The following FGF13 variants were observed in gnomAD, a reference collection of about 807,000 sequenced individuals.
The protein encoded by FGF13 is fibroblast growth factor 13.
A neutral mutation model predicts 19.5 loss-of-function variants in FGF13; 2 were observed. The observed-to-expected ratio is 0.10, with a 90% CI of 0.04 to 0.32. FGF13 has a LOEUF of 0.32. FGF13 is among the 10% of genes least tolerant of loss of function. FGF13 has a pLI of 1.00. For missense variants in FGF13, 113 were observed against 192.7 expected (o/e 0.59, Z 2.45); for synonymous variants, 72 against 76.9 (o/e 0.94, Z 0.33).
chrX:138,763,985 T>A (rs2090486899), intron 3 of FGF13, among the ~76,000 whole-genome samples: 1 of 110,985 alleles, frequency 9.0e-6, no homozygotes, highest in Non-Finnish European at 1.9e-5. Context: ...GCCTGAGGCG[T>A]AGTAGAAAGG....
chrX:138,781,579 A>C (rs1462189835), intron 3 of FGF13, among the ~76,000 whole-genome samples: 1 of 111,347 alleles, frequency 9.0e-6, no homozygotes, highest in African/African-American at 3.3e-5. Context: ...GAAATGGATA[A>C]ATTCCTTGAC....
chrX:138,979,559 A>C (rs1198830013), intron 1 of FGF13, among the ~76,000 whole-genome samples: 1 of 109,953 alleles, frequency 9.1e-6, no homozygotes, highest in Non-Finnish European at 1.9e-5. Flanking sequence ...AATTTCCACA[A>C]TGACCTTTTT....
chrX:138,800,092 A>G (rs2090816223), intron 3 of FGF13, among the ~76,000 whole-genome samples: 1 of 111,916 alleles, frequency 8.9e-6, no homozygotes, highest in Admixed American at 9.5e-5. Flanking sequence ...TAATATTGTT[A>G]TGTGTGAATT....
chrX:138,625,388 A>G lies in FGF13; in HGVS notation c.*7462T>C, dbSNP rs1268733321. 1.9e-5 allele frequency: 2 copies of G among 104,911 alleles called. No homozygotes were observed. 8.6% of individuals were successfully genotyped at this position (104,911 alleles called of 1,213,427 possible). On this transcript the variant is annotated 3_prime_UTR_variant, in exon 5 of 5. Transcript: ENST00000315930. ...CTGCACTCCCATTCATTCCCATTGC[A>G]CCATTATTCACAATAGATAAGTTAT...
chrX:139,110,810 G>C (rs2083595735), intron 1 of FGF13, among the ~76,000 whole-genome samples: 1 of 111,765 alleles, frequency 8.9e-6, no homozygotes, highest in Non-Finnish European at 1.9e-5. Context: ...GAGGTGTTGA[G>C]AGACAATTGC....
intron 3 of FGF13, among the ~76,000 whole-genome samples, chrX:138,674,626 G>T (rs2124177768): frequency 9.0e-6 from 1 of 110,982 alleles, no homozygotes; most frequent in South Asian, 3.9e-4. Context: ...CTATCTCTCT[G>T]TGGGGTCAAG....
At chrX:139,046,944 A>T (rs2092289495) in intron 1 of FGF13, among the ~76,000 whole-genome samples, 1 of 111,809 alleles carries the variant, frequency 8.9e-6, no homozygotes, top group Non-Finnish European at 1.9e-5. Flanking sequence ...TGCTTTGATA[A>T]TACAAGAATT....
intron 1 of FGF13, among the ~76,000 whole-genome samples, chrX:139,125,648 C>A (rs1342670121): frequency 8.9e-6 from 1 of 111,736 alleles, no homozygotes; most frequent in African/African-American, 3.3e-5. Flanking sequence ...TAACTGAATG[C>A]TAGGTAAATC....
chrX:138,707,891 G>A (rs1344076159), intron 2 of FGF13, among the ~76,000 whole-genome samples: 3 of 112,420 alleles, frequency 2.7e-5, no homozygotes, highest in African/African-American at 6.5e-5. Context: ...AAGCTGCAGA[G>A]TATACTGCTT....
chrX:138,859,581 A>C (rs181287099), intron 2 of FGF13, among the ~76,000 whole-genome samples: 1 of 112,469 alleles, frequency 8.9e-6, no homozygotes, highest in South Asian at 3.7e-4. Flanking sequence ...ATTTCTGGAG[A>C]TTAATAGTGG....
chrX:139,036,124 T>C (rs1295411147), intron 1 of FGF13, among the ~76,000 whole-genome samples: 2 of 112,100 alleles, frequency 1.8e-5, no homozygotes, highest in African/African-American at 6.5e-5. Context: ...GCGAATTCTA[T>C]TGATTTTGAC....
chrX:139,032,250 G>A (rs1324002196), intron 1 of FGF13, among the ~76,000 whole-genome samples: 3 of 111,835 alleles, frequency 2.7e-5, no homozygotes, highest in South Asian at 3.7e-4. Flanking sequence ...AGATTAAAGC[G>A]GAACTTCTTT....
At position 139,052,773 on chromosome X, in the gene FGF13, C is replaced by T. The variant is rs760027462; in HGVS notation, c.-113+150643G>A. Among the ~76,000 whole-genome samples the T allele has an allele frequency of 8.1e-5, 9 of 111,788 alleles. No individual in the cohort carries two copies. The South Asian group carries it at 3.4e-3, about 43-fold the overall frequency. ...TTTGACCGCTTCCACCTCTTAGTAGCCATTGCTTTTTGTTTGTTTTTGAAA... is the reference window on the plus strand; with the variant it reads ...TTTGACCGCTTCCACCTCTTAGTAGTCATTGCTTTTTGTTTGTTTTTGAAA... On this transcript the variant is annotated intron_variant, in intron 1 of 2. Coordinates refer to the FGF13 transcript ENST00000421460.
chrX:139,127,767 T>C (rs911915514), intron 1 of FGF13, among the ~76,000 whole-genome samples: 7 of 111,428 alleles, frequency 6.3e-5, no homozygotes, highest in Non-Finnish European at 1.1e-4. Context: ...TGTTGGTAAC[T>C]TTGACATATG....
At chrX:138,740,363 T>C (rs2090310918), upstream of FGF13, among the ~76,000 whole-genome samples, 1 of 112,093 alleles carries the variant, frequency 8.9e-6, no homozygotes, top group Admixed American at 9.5e-5. Flanking sequence ...CAGTGCTATA[T>C]GGAAAGGAAG....
intron 1 of FGF13, among the ~76,000 whole-genome samples, chrX:138,932,933 G>A (rs889568651): frequency 9.9e-5 from 11 of 111,053 alleles, no homozygotes; most frequent in African/African-American, 3.6e-4. Context: ...TGGAGGACCA[G>A]TGTTAGTTGT....
chrX:138,839,748 G>A (rs1011444393), intron 3 of FGF13, among the ~76,000 whole-genome samples: 8 of 111,600 alleles, frequency 7.2e-5, no homozygotes, highest in Admixed American at 1.9e-4. Context: ...ATAAATTTAA[G>A]TTTAGTCACA....
chrX:138,850,988 T>C (rs1406720342), intron 3 of FGF13, among the ~76,000 whole-genome samples: 1 of 111,725 alleles, frequency 9.0e-6, no homozygotes, highest in Non-Finnish European at 1.9e-5. Flanking sequence ...GAACATGTGG[T>C]GTTTGGTTTT....
chrX:138,891,042 A>G (rs778226720), intron 1 of FGF13, among the ~76,000 whole-genome samples: 1 of 112,290 alleles, frequency 8.9e-6, no homozygotes, highest in Non-Finnish European at 1.9e-5. Context: ...CTGTAATCCC[A>G]GCACTTTGGG....
Sources: gnomAD v4.1 joint callset for allele counts (sites outside exome capture counted in the v4.1 genomes callset) on GRCh38, gnomAD v4.1.1 for gene constraint, MANE v1.5 for transcripts, NCBI Gene and HGNC (gene_info 2026-07-23, HGNC 2026-07-21) for gene names.